Variants in NEO1 observed in about 807,000 individuals in gnomAD.
The protein encoded by NEO1 is neogenin 1.
Under a neutral mutation model 159.7 loss-of-function variants are expected in NEO1, and 63 were observed. The observed-to-expected ratio is 0.39, with a 90% CI of 0.32 to 0.49. The LOEUF (loss-of-function observed/expected upper bound fraction) is 0.49, where lower values mean the gene tolerates loss of function less well. Among genes scored for constraint, NEO1 ranks in the 20% least tolerant of loss-of-function variants. The probability of loss-of-function intolerance (pLI) is 0.85; values close to 1 mark genes in which losing one functional copy is unlikely to be tolerated. For synonymous variants in NEO1, 633 were observed against 662.0 expected (o/e 0.96, Z 0.67); for missense variants, 1,615 against 1,831.0 (o/e 0.88, Z 2.15).
At chr15:73,224,583 C>CTGCT (rs145683945) in intron 7 of NEO1, among the ~76,000 whole-genome samples, 1 of 151,736 alleles carries the variant, frequency 6.6e-6, no homozygotes, top group Non-Finnish European at 1.5e-5. Flanking sequence ...TTTCTTTCTT[C>CTGCT]TACTTGTTCG....
chr15:73,203,851 A>G (rs1490721905), intron 7 of NEO1, among the ~76,000 whole-genome samples: 3 of 152,104 alleles, frequency 2.0e-5, no homozygotes, highest in African/African-American at 7.2e-5. Context: ...TAAACAAATC[A>G]TTACCTTTTA....
chr15:73,172,932 C>T (rs1031712353), intron 5 of NEO1, among the ~76,000 whole-genome samples: 1 of 152,198 alleles, frequency 6.6e-6, no homozygotes, highest in Admixed American at 6.5e-5. Context: ...CCTGATTTCT[C>T]AGAAGGTCAG....
intron 1 of NEO1, among the ~76,000 whole-genome samples, chr15:73,065,564 A>G (rs936180349): frequency 6.6e-6 from 1 of 152,144 alleles, no homozygotes; most frequent in Non-Finnish European, 1.5e-5. Flanking sequence ...GTAAGAAGTC[A>G]ACTGTCTTAT....
chr15:73,052,498 G>T lies in NEO1; in HGVS notation c.-178G>T. ...CCCCCTTGCAGGAGGGAGGCGCCCT[G>T]GAGTCTCCCCTCCAGCGAGAGGGGC... is the stretch of plus-strand genomic sequence containing the variant. On this transcript the variant is annotated 5_prime_UTR_variant, in exon 1 of 29. Transcript: ENST00000261908. 1 of 199,828 alleles carries T rather than the reference G, an allele frequency of 5.0e-6. No individual in the cohort carries two copies. The highest frequency in any genetic ancestry group is 1.8e-4 in the South Asian group (1 of 5,564). 12.4% of individuals were successfully genotyped at this position (199,828 alleles called of 1,614,324 possible).
chr15:73,112,690 C>T (rs753937472), intron 1 of NEO1, among the ~76,000 whole-genome samples: 5 of 151,840 alleles, frequency 3.3e-5, no homozygotes, highest in Admixed American at 2.6e-4. Flanking sequence ...GATCACAGAC[C>T]CTGGTTCTGT....
chr15:73,139,879 A>G (rs1051583772), intron 5 of NEO1, among the ~76,000 whole-genome samples: 2 of 152,220 alleles, frequency 1.3e-5, no homozygotes, highest in African/African-American at 4.8e-5. Flanking sequence ...CACAAAGCCT[A>G]AAATATTTAC....
chr15:73,175,502 A>G (rs1428723599), intron 5 of NEO1, among the ~76,000 whole-genome samples: 1 of 152,222 alleles, frequency 6.6e-6, no homozygotes, highest in Non-Finnish European at 1.5e-5. Flanking sequence ...AAGTTGCCAC[A>G]AATTCAACAC....
At chr15:73,094,315 A>G (rs910882971) in intron 1 of NEO1, among the ~76,000 whole-genome samples, 1 of 152,178 alleles carries the variant, frequency 6.6e-6, no homozygotes, top group Non-Finnish European at 1.5e-5. Context: ...AAGTCATATA[A>G]TATGTGATCT....
chr15:73,075,943 A>G (rs1567139153), intron 1 of NEO1, among the ~76,000 whole-genome samples: 1 of 152,008 alleles, frequency 6.6e-6, no homozygotes, highest in Non-Finnish European at 1.5e-5. Context: ...GTTGTAACCT[A>G]TTTTTGTCTG....
At chr15:73,244,224 A>G (rs1031299728) in intron 8 of NEO1, 120 bp from the exon 9 acceptor site, 6 of 1,157,958 alleles carry the variant, frequency 5.2e-6, no homozygotes, top group African/African-American at 1.6e-5. Flanking sequence ...CAAAAGCTTC[A>G]TTGTTTGAGA....
At chr15:73,106,792 T>A (rs1342830912) in intron 1 of NEO1, among the ~76,000 whole-genome samples, 5 of 152,324 alleles carry the variant, frequency 3.3e-5, no homozygotes, top group African/African-American at 1.2e-4. Context: ...ATTGAAATAA[T>A]TAATGTAGGA....
chr15:73,225,778 T>G (rs976729861), intron 7 of NEO1, among the ~76,000 whole-genome samples: 1 of 152,170 alleles, frequency 6.6e-6, no homozygotes, highest in Non-Finnish European at 1.5e-5. Context: ...CACACCTGAT[T>G]CGCACCCTTT....
At chr15:73,301,842 T>C (rs2042629883) in intron 28 of NEO1, among the ~76,000 whole-genome samples, 1 of 152,166 alleles carries the variant, frequency 6.6e-6, no homozygotes, top group Non-Finnish European at 1.5e-5. Context: ...TATTGTTTTG[T>C]ATTTTTAATA....
At chr15:73,173,972 C>T (rs889811823) in intron 5 of NEO1, among the ~76,000 whole-genome samples, 6 of 151,562 alleles carry the variant, frequency 4.0e-5, no homozygotes, top group East Asian at 1.9e-4. Context: ...TGGTGGTGCA[C>T]GTCTGTAATC....
intron 8 of NEO1, among the ~76,000 whole-genome samples, chr15:73,239,287 G>A (rs556809785): frequency 5.9e-5 from 9 of 152,232 alleles, no homozygotes; most frequent in African/African-American, 9.6e-5. Context: ...AGGTGATTTG[G>A]CAGAATTTTA....
intron 18 of NEO1, 38 bp from the exon 19 acceptor site, chr15:73,272,417 A>C (rs1444258323): frequency 2.0e-6 from 3 of 1,497,416 alleles, no homozygotes; most frequent in Admixed American, 1.7e-5. Flanking sequence ...ACTAATTTGA[A>C]ATGGACAGAA....
intron 1 of NEO1, among the ~76,000 whole-genome samples, chr15:73,076,733 G>A (rs2068786252): frequency 6.6e-6 from 1 of 151,904 alleles, no homozygotes; most frequent in African/African-American, 2.4e-5. Flanking sequence ...TTTTTTCTTT[G>A]GAAGCAAGCC....
intron 1 of NEO1, among the ~76,000 whole-genome samples, chr15:73,088,613 C>CGA (rs1237088394): frequency 2.0e-5 from 3 of 151,908 alleles, no homozygotes; most frequent in African/African-American, 7.3e-5. Flanking sequence ...GGAGGCAAGG[C>CGA]TATCTTAATA....
chr15:73,254,904 G>T, intron 13 of NEO1, 75 bp downstream of exon 13: 2 of 1,462,046 alleles, frequency 1.4e-6, no homozygotes, highest in South Asian at 2.8e-5. Context: ...TCTAATGACT[G>T]CTCTGAACTG....
Sources: gnomAD v4.1 joint callset for allele counts (sites outside exome capture counted in the v4.1 genomes callset) on GRCh38, gnomAD v4.1.1 for gene constraint, MANE v1.5 for transcripts, NCBI Gene and HGNC (gene_info 2026-07-23, HGNC 2026-07-21) for gene names.